Variants in AKAP6 observed in about 807,000 individuals in gnomAD.
AKAP6 encodes A-kinase anchoring protein 6.
Under a neutral mutation model 188.5 loss-of-function variants are expected in AKAP6, and 58 were observed. The ratio of observed to expected loss-of-function variants is 0.31; its 90% CI spans 0.25 to 0.38. AKAP6 has a LOEUF of 0.38. AKAP6 is among the 10% of genes least tolerant of loss of function. The pLI, the probability that AKAP6 is intolerant of heterozygous loss-of-function variation, is 1.00. For synonymous variants in AKAP6, 989 were observed against 998.6 expected (o/e 0.99, Z 0.18); for missense variants, 2,710 against 2,740.0 (o/e 0.99, Z 0.24).
At chr14:32,508,767 A>G (rs529670145) in intron 2 of AKAP6, among the ~76,000 whole-genome samples, 34 of 152,334 alleles carry the variant, frequency 2.2e-4, no homozygotes, top group Admixed American at 9.8e-4. Context: ...TTTTATATGA[A>G]TAATAGGATT....
intron 1 of AKAP6, among the ~76,000 whole-genome samples, chr14:32,370,538 T>C (rs1442275717): frequency 1.3e-5 from 2 of 152,240 alleles, no homozygotes; most frequent in African/African-American, 4.8e-5. Context: ...CTGCAGTGTC[T>C]TTTATTGCAC....
At chr14:32,533,417 C>T (rs114554763) in intron 2 of AKAP6, among the ~76,000 whole-genome samples, 1,950 of 152,222 alleles carry the variant, frequency 0.013, 44 homozygotes, top group African/African-American at 0.045. Flanking sequence ...ACTATAGTGT[C>T]TCAGGTGAGG....
intron 4 of AKAP6, among the ~76,000 whole-genome samples, chr14:32,560,393 C>T (rs1883900623): frequency 6.6e-6 from 1 of 151,884 alleles, no homozygotes; most frequent in African/African-American, 2.4e-5. Context: ...TCAGTCCTGC[C>T]TCAGTTTGGT....
chr14:32,696,352 A>C (rs1890402821), intron 9 of AKAP6, among the ~76,000 whole-genome samples: 1 of 152,202 alleles, frequency 6.6e-6, no homozygotes, highest in Admixed American at 6.5e-5. Context: ...AGAAGGACAA[A>C]GATTTATCTT....
rs745535562 is a variant in AKAP6, at chr14:32,545,718, T to A, written c.1065T>A (p.Asp355Glu). 6.2e-7 allele frequency: 1 copy of A among 1,614,188 alleles called. No homozygotes were observed. Among genetic ancestry groups the A allele is most frequent in the Non-Finnish European group, 8.5e-7 (1 of 1,180,016 alleles). Residue 355 changes from aspartate to glutamate, a missense_variant, in exon 4 of 14, where the codon GAT (aspartate) becomes GAA (glutamate). Physicochemically the swap from Asp to Glu is conservative, Grantham distance 45. Around this residue, in one of 2 missense-constraint regions of AKAP6, gnomAD observed 2,473 missense variants for 2,426.1 expected, o/e 1.02. Transcript: ENST00000280979. ...AATCCAGTTCCTCCTCCCATCATGA[T>A]GCAAAGAATCAGCAGCCTGTTCCTT... is the stretch of plus-strand genomic sequence containing the variant. ...QQESSSSSHH[D>E]AKNQQPVPCE...
chr14:32,801,414 T>C (rs556680665), intron 12 of AKAP6, among the ~76,000 whole-genome samples: 1 of 152,366 alleles, frequency 6.6e-6, no homozygotes, highest in Non-Finnish European at 1.5e-5. Context: ...GGTTAACTTA[T>C]AACAGAGTAT....
At chr14:32,678,215 G>A (rs1435401632) in intron 7 of AKAP6, 96 bp from the exon 8 acceptor site, 43 of 1,304,458 alleles carry the variant, frequency 3.3e-5, no homozygotes, top group Non-Finnish European at 4.0e-5. Context: ...GCACTATAAT[G>A]ATGTGAAGAA....
intron 12 of AKAP6, 43 bp from the exon 13 acceptor site, chr14:32,821,359 G>A: frequency 6.6e-7 from 1 of 1,522,100 alleles, no homozygotes; most frequent in South Asian, 1.3e-5. Context: ...TCATGCTTGT[G>A]TTCCCTAATT....
intron 2 of AKAP6, among the ~76,000 whole-genome samples, chr14:32,521,115 G>C (rs1159366496): frequency 6.6e-6 from 1 of 152,042 alleles, no homozygotes. Context: ...ATGCAGAAAA[G>C]GCCTTTGACA....
chr14:32,383,087 A>ATGTGTGTG (rs3031402), intron 1 of AKAP6, among the ~76,000 whole-genome samples: 3 of 143,172 alleles, frequency 2.1e-5, no homozygotes, highest in African/African-American at 7.7e-5. Context: ...GGCAGATTTT[A>ATGTGTGTG]TGTGTGTGTG....
At chr14:32,406,849 C>T (rs970789020) in intron 1 of AKAP6, among the ~76,000 whole-genome samples, 1 of 152,110 alleles carries the variant, frequency 6.6e-6, no homozygotes, top group Non-Finnish European at 1.5e-5. Context: ...AGTGTCTTAT[C>T]CTTACAGATT....
chr14:32,769,972 A>G (rs1415308818), intron 11 of AKAP6, among the ~76,000 whole-genome samples: 1 of 152,212 alleles, frequency 6.6e-6, no homozygotes, highest in Non-Finnish European at 1.5e-5. Context: ...AAGACTAAAT[A>G]CCAGTATTGA....
intron 5 of AKAP6, 37 bp downstream of exon 5, chr14:32,577,279 A>T (rs764030532): frequency 7.5e-6 from 12 of 1,593,618 alleles, no homozygotes; most frequent in Non-Finnish European, 1.0e-5. Flanking sequence ...GTCAATAATC[A>T]AAGGATTTTA....
At chr14:32,399,531 A>C (rs945988247) in intron 1 of AKAP6, among the ~76,000 whole-genome samples, 2 of 152,154 alleles carry the variant, frequency 1.3e-5, no homozygotes, top group Admixed American at 6.5e-5. Context: ...TACACATTGG[A>C]TACCACCTCA....
chr14:32,618,896 G>A (rs566744799), intron 7 of AKAP6, among the ~76,000 whole-genome samples: 126 of 151,924 alleles, frequency 8.3e-4, no homozygotes, highest in Non-Finnish European at 1.5e-3. Flanking sequence ...ATTCTGGCTG[G>A]GGTAAGGTGA....
At chr14:32,575,282 C>T (rs1884666131) in intron 4 of AKAP6, among the ~76,000 whole-genome samples, 2 of 152,038 alleles carry the variant, frequency 1.3e-5, no homozygotes, top group Admixed American at 1.3e-4. Flanking sequence ...GGATTCTTGG[C>T]ATTTGGAAAG....
intron 2 of AKAP6, among the ~76,000 whole-genome samples, chr14:32,479,945 T>C (rs900261656): frequency 2.6e-5 from 4 of 152,222 alleles, no homozygotes; most frequent in African/African-American, 9.6e-5. Flanking sequence ...CCAGATGGGC[T>C]AAGGCAGATT....
At chr14:32,593,630 C>T (rs1419832465) in intron 5 of AKAP6, among the ~76,000 whole-genome samples, 1 of 152,152 alleles carries the variant, frequency 6.6e-6, no homozygotes, top group Non-Finnish European at 1.5e-5. Context: ...TCAAAATTCT[C>T]CCAAGCTGCC....
chr14:32,545,445 G>A lies in AKAP6; in HGVS notation c.792G>A (p.Glu264=), dbSNP rs916435002. ...DSWSYSEMEK[E]FPELIRSVGL... ...GGAGCTACAGTGAGATGGAAAAGGA[G>A]TTTCCTGAGCTTATCCGAAGTGTTG... Residue 264 remains glutamate, a synonymous_variant, in exon 4 of 14, where the codon GAG becomes GAA. Transcript: ENST00000280979. 3.1e-6 allele frequency: 5 copies of A among 1,614,070 alleles called. No individual in the cohort carries two copies. The highest frequency in any genetic ancestry group is 2.2e-5 in the East Asian group (1 of 44,896).
Sources: gnomAD v4.1 joint callset for allele counts (sites outside exome capture counted in the v4.1 genomes callset) on GRCh38, gnomAD v4.1.1 for gene constraint, gnomAD v4.1.1 regional missense constraint, MANE v1.5 for transcripts, NCBI Gene and HGNC (gene_info 2026-07-23, HGNC 2026-07-21) for gene names.